The following CDH13 variants were observed in gnomAD, a reference collection of about 807,000 sequenced individuals.
CDH13 encodes the protein cadherin-13.
Under a neutral mutation model 63.8 loss-of-function variants are expected in CDH13, and 24 were observed. The ratio of observed to expected loss-of-function variants is 0.38; its 90% CI spans 0.27 to 0.53. CDH13 has a LOEUF of 0.53. CDH13 is among the 20% of genes least tolerant of loss of function. The pLI, the probability that CDH13 is intolerant of heterozygous loss-of-function variation, is 0.85. For synonymous variants in CDH13, 503 were observed against 355.3 expected, an observed-to-expected ratio of 1.42 and a Z score of -4.67; for missense variants, 1,049 against 903.1, an observed-to-expected ratio of 1.16 and a Z score of -2.07.
At chr16:82,828,112 T>A (rs190401427) in intron 1 of CDH13, among the ~76,000 whole-genome samples, 1 of 152,288 alleles carries the variant, frequency 6.6e-6, no homozygotes, top group East Asian at 1.9e-4. Context: ...CTCTGTTGTA[T>A]TTGATTAGAC....
At chr16:83,592,792 T>A (rs1567791145) in intron 7 of CDH13, among the ~76,000 whole-genome samples, 1 of 151,678 alleles carries the variant, frequency 6.6e-6, no homozygotes, top group Non-Finnish European at 1.5e-5. Context: ...AAATAAAAAA[T>A]AAAAAACAGC....
chr16:83,347,712 G>A (rs1291961218), intron 6 of CDH13, among the ~76,000 whole-genome samples: 3 of 152,216 alleles, frequency 2.0e-5, no homozygotes, highest in African/African-American at 7.2e-5. Context: ...GGCACAATCA[G>A]TGTCTACGTC....
intron 6 of CDH13, among the ~76,000 whole-genome samples, chr16:83,423,070 A>C (rs1227687971): frequency 6.6e-6 from 1 of 152,180 alleles, no homozygotes; most frequent in Non-Finnish European, 1.5e-5. Context: ...TTTATAATGT[A>C]GATTTACATG....
intron 6 of CDH13, among the ~76,000 whole-genome samples, chr16:83,440,025 T>A (rs1351986080): frequency 6.6e-6 from 1 of 152,218 alleles, no homozygotes; most frequent in African/African-American, 2.4e-5. Context: ...CCACGGTGTC[T>A]GTGCAGGCCA....
intron 1 of CDH13, among the ~76,000 whole-genome samples, chr16:82,854,494 T>C (rs1438323148): frequency 1.3e-5 from 2 of 152,304 alleles, no homozygotes; most frequent in African/African-American, 4.8e-5. Flanking sequence ...ATTTAGCTTT[T>C]GGGGAAGTCC....
At chr16:83,098,427 T>C (rs1379295365) in intron 3 of CDH13, among the ~76,000 whole-genome samples, 1 of 152,198 alleles carries the variant, frequency 6.6e-6, no homozygotes, top group Non-Finnish European at 1.5e-5. Flanking sequence ...TTTTTCCACA[T>C]ATACACCACT....
intron 7 of CDH13, among the ~76,000 whole-genome samples, chr16:83,575,441 A>G (rs541546335): frequency 1.2e-4 from 18 of 152,290 alleles, no homozygotes; most frequent in Non-Finnish European, 2.1e-4. Flanking sequence ...TCCTCTCAGG[A>G]GACCAATCTG....
intron 3 of CDH13, among the ~76,000 whole-genome samples, chr16:83,068,436 C>G (rs980869497): frequency 1.3e-4 from 20 of 152,174 alleles, no homozygotes; most frequent in African/African-American, 4.6e-4. Flanking sequence ...ATGCTACCCT[C>G]TCACTTGTGT....
intron 4 of CDH13, among the ~76,000 whole-genome samples, chr16:83,205,241 C>G (rs990537335): frequency 3.3e-5 from 5 of 152,304 alleles, no homozygotes; most frequent in South Asian, 4.2e-4. Flanking sequence ...GTGAAACACA[C>G]AGCATGCATT....
rs890533840 is a variant in CDH13 at position 83,573,346 on chromosome 16, G to T, written c.961-29108G>T. 6.6e-5 allele frequency among the ~76,000 whole-genome samples: 10 copies of T among 152,152 alleles called. 1 individual carries two copies. The South Asian group carries it at 1.7e-3, about 25-fold the overall frequency. On this transcript the variant is annotated intron_variant, in intron 7 of 13. Coordinates refer to ENST00000567109, the MANE Select transcript of CDH13 (RefSeq NM_001257.5). ...CTCAGTTCTGCCTAGTCACCATTCA[G>T]TGGTGGGTCAGGAAGCCAATGGGTT...
chr16:83,222,387 G>A (rs1198999723), intron 5 of CDH13, among the ~76,000 whole-genome samples: 2 of 152,152 alleles, frequency 1.3e-5, no homozygotes, highest in Non-Finnish European at 2.9e-5. Flanking sequence ...TGACAATTTG[G>A]CAGAATACAC....
At chr16:82,840,572 C>G (rs1347205817) in intron 1 of CDH13, among the ~76,000 whole-genome samples, 1 of 150,860 alleles carries the variant, frequency 6.6e-6, no homozygotes, top group Non-Finnish European at 1.5e-5. Context: ...GTAACCCCAG[C>G]TACTTGGGTG....
intron 4 of CDH13, among the ~76,000 whole-genome samples, chr16:83,154,048 G>A (rs2037102523): frequency 6.6e-6 from 1 of 152,158 alleles, no homozygotes; most frequent in South Asian, 2.1e-4. Context: ...GCCATGTCCT[G>A]TTGATATCAA....
intron 7 of CDH13, among the ~76,000 whole-genome samples, chr16:83,589,424 C>A (rs989329816): frequency 5.3e-5 from 8 of 151,102 alleles, no homozygotes; most frequent in African/African-American, 1.9e-4. Flanking sequence ...CCCGCTGACA[C>A]TGATGTTTCT....
intron 11 of CDH13, among the ~76,000 whole-genome samples, chr16:83,777,821 T>A (rs767471150): frequency 6.6e-6 from 1 of 152,146 alleles, no homozygotes; most frequent in Non-Finnish European, 1.5e-5. Context: ...ATAAATATAG[T>A]ACAAGAGAAA....
intron 5 of CDH13, among the ~76,000 whole-genome samples, chr16:83,340,383 C>G (rs750928320): frequency 1.3e-5 from 2 of 152,048 alleles, no homozygotes; most frequent in Non-Finnish European, 2.9e-5. Context: ...TCTTCCTGGC[C>G]TGTGTACTTG....
At chr16:82,791,194 G>A (rs895711048) in intron 1 of CDH13, among the ~76,000 whole-genome samples, 9 of 141,936 alleles carry the variant, frequency 6.3e-5, no homozygotes, top group Admixed American at 3.0e-4. Context: ...CAGAGATCAC[G>A]CCACTGCACT....
At chr16:83,198,418 G>T (rs1045961405) in intron 4 of CDH13, among the ~76,000 whole-genome samples, 1 of 151,962 alleles carries the variant, frequency 6.6e-6, no homozygotes, top group Non-Finnish European at 1.5e-5. Context: ...CCAACAATTT[G>T]CAGCTGAAGA....
intron 7 of CDH13, among the ~76,000 whole-genome samples, chr16:83,526,167 C>G (rs1179600465): frequency 1.3e-5 from 2 of 152,278 alleles, no homozygotes; most frequent in Non-Finnish European, 2.9e-5. Context: ...ACCTTCGAAC[C>G]AGCTTCAAAG....
Sources: gnomAD v4.1 joint callset for allele counts (sites outside exome capture counted in the v4.1 genomes callset) on GRCh38, gnomAD v4.1.1 for gene constraint, MANE v1.5 for transcripts, NCBI Gene and HGNC (gene_info 2026-07-23, HGNC 2026-07-21) for gene names.